SSBP2: variants seen among roughly 807,000 people sequenced by gnomAD.
The protein encoded by SSBP2 is single-stranded DNA-binding protein 2.
In SSBP2, 17 loss-of-function variants were observed where a neutral mutation model predicts 61.8. The ratio of observed to expected loss-of-function variants is 0.28; its 90% CI spans 0.19 to 0.41. SSBP2 has a LOEUF of 0.41. Ranked by LOEUF, SSBP2 falls within the 10% of genes least tolerant of loss-of-function variation. The pLI is 1.00. For synonymous variants in SSBP2, 139 were observed against 141.3 expected, an observed-to-expected ratio of 0.98 and a Z score of 0.12; for missense variants, 310 against 458.7, an observed-to-expected ratio of 0.68 and a Z score of 2.96.
intron 1 of SSBP2, among the ~76,000 whole-genome samples, chr5:81,672,688 C>G (rs1292170751): frequency 6.6e-6 from 1 of 151,750 alleles, no homozygotes; most frequent in Admixed American, 6.6e-5. Context: ...TCTCCTGCCT[C>G]GGCATCCTGT....
intron 4 of SSBP2, among the ~76,000 whole-genome samples, chr5:81,597,957 T>C (rs566612794): frequency 1.3e-5 from 2 of 151,976 alleles, no homozygotes; most frequent in African/African-American, 2.4e-5. Flanking sequence ...TGTATACATA[T>C]GTAACAAACC....
chr5:81,474,703 T>C, intron 6 of SSBP2, 141 bp from the exon 7 acceptor site: 1 of 623,150 alleles, frequency 1.6e-6, no homozygotes. Flanking sequence ...TATTTCACAT[T>C]CATTTATAAG....
At chr5:81,429,358 CTGT>C (rs1185144408) in intron 15 of SSBP2, among the ~76,000 whole-genome samples, 3 of 152,156 alleles carry the variant, frequency 2.0e-5, no homozygotes, top group Non-Finnish European at 4.4e-5. Flanking sequence ...GATAAAATGA[CTGT>C]TATTAGCAAT....
At chr5:81,592,628 T>A (rs146499100) in intron 4 of SSBP2, among the ~76,000 whole-genome samples, 1 of 152,138 alleles carries the variant, frequency 6.6e-6, no homozygotes, top group South Asian at 2.1e-4. Flanking sequence ...AGCCGGATAC[T>A]CCTCTGAGAC....
chr5:81,576,707 A>T (rs927460280), intron 4 of SSBP2, among the ~76,000 whole-genome samples: 2 of 152,122 alleles, frequency 1.3e-5, no homozygotes, highest in Non-Finnish European at 2.9e-5. Flanking sequence ...TTAATTTTCA[A>T]AAATCTGATT....
chr5:81,750,348 C>CCTCCGCGCCCCGCGCGCGT (rs1295144298), intron 1 of SSBP2, among the ~76,000 whole-genome samples: 20 of 146,896 alleles, frequency 1.4e-4, no homozygotes, highest in Admixed American at 8.8e-4. Flanking sequence ...CCGCACACGC[C>CCTCCGCGCCCCGCGCGCGT]CTCCGCGCCC....
intron 4 of SSBP2, among the ~76,000 whole-genome samples, chr5:81,583,503 G>A (rs544206823): frequency 9.4e-4 from 143 of 152,036 alleles, no homozygotes; most frequent in Non-Finnish European, 1.5e-3. Flanking sequence ...GGTGGCAGGC[G>A]CCTGTAGTCC....
At chr5:81,481,701 C>G (rs1294454924) in intron 6 of SSBP2, among the ~76,000 whole-genome samples, 1 of 150,642 alleles carries the variant, frequency 6.6e-6, no homozygotes, top group Admixed American at 6.6e-5. Flanking sequence ...ACCTTATACC[C>G]AAGAACTCTG....
In SSBP2 at chr5:81,474,483, TTAGAG is replaced by T; in HGVS notation, c.499+8_499+12del. The T allele has an allele frequency of 6.2e-7, 1 of 1,611,106 alleles. No individual in the cohort carries two copies. The highest frequency in any genetic ancestry group is 1.3e-5 in the African/African-American group (1 of 74,934). On this transcript the variant is annotated splice_region_variant and intron_variant, in intron 7 of 16. Transcript: ENST00000320672. ...TCTGCACATCAATTTTCCTTTTACTTTAGAGTAGTCACCTTGTTGTCGAGTTGGAT... is the reference window on the plus strand; with the variant it reads ...TCTGCACATCAATTTTCCTTTTACTTTAGTCACCTTGTTGTCGAGTTGGAT...
At chr5:81,445,156 ATATATATATATATATATATATGTATG>A (rs1249447515) in intron 12 of SSBP2, among the ~76,000 whole-genome samples, 13 of 90,408 alleles carry the variant, frequency 1.4e-4, no homozygotes, top group Non-Finnish European at 2.4e-4. Flanking sequence ...ATATATATAT[ATATATATATATATATATATATGTATG>A]TATTTACTGG....
intron 4 of SSBP2, among the ~76,000 whole-genome samples, chr5:81,599,755 C>T (rs999622829): frequency 3.3e-5 from 5 of 152,182 alleles, no homozygotes; most frequent in African/African-American, 9.7e-5. Flanking sequence ...ATATTCTGGC[C>T]GTTATAGCAG....
At chr5:81,633,632 A>T (rs1050233797) in intron 3 of SSBP2, among the ~76,000 whole-genome samples, 1 of 152,056 alleles carries the variant, frequency 6.6e-6, no homozygotes, top group Non-Finnish European at 1.5e-5. Context: ...CAGCCTCCTG[A>T]GTAGCTGTTA....
Position 81,530,820 on chromosome 5 carries a change from A to G in SSBP2, c.283-17103T>C, listed in dbSNP as rs771970959. On this transcript the variant is annotated intron_variant, in intron 4 of 16. Transcript: ENST00000320672. ...TAAATGCATTCACTGAAAGCTGTAT[A>G]AACATACAGAATCATAATTTTATGG... Among the ~76,000 whole-genome samples, 10 of 152,152 alleles carry G rather than the reference A, an allele frequency of 6.6e-5. 1 individual carries two copies. Among genetic ancestry groups the G allele is most frequent in the Non-Finnish European group, 1.3e-4 (9 of 68,010 alleles).
chr5:81,559,326 G>A (rs1772851294), intron 4 of SSBP2, among the ~76,000 whole-genome samples: 1 of 150,772 alleles, frequency 6.6e-6, no homozygotes, highest in Admixed American at 6.6e-5. Flanking sequence ...AGCGGAGGTT[G>A]CAGTGAGCCG....
At chr5:81,535,137 A>C (rs1282642282) in intron 4 of SSBP2, among the ~76,000 whole-genome samples, 6 of 152,072 alleles carry the variant, frequency 3.9e-5, no homozygotes, top group Non-Finnish European at 8.8e-5. Flanking sequence ...CCAAAGAACA[A>C]ACAAAATTTG....
intron 15 of SSBP2, among the ~76,000 whole-genome samples, chr5:81,432,016 T>C (rs1762322646): frequency 6.6e-6 from 1 of 152,266 alleles, no homozygotes; most frequent in African/African-American, 2.4e-5. Context: ...TTATAGAAAC[T>C]GTGGCTCTGC....
intron 1 of SSBP2, among the ~76,000 whole-genome samples, chr5:81,655,626 C>T (rs1400474487): frequency 2.0e-5 from 3 of 152,166 alleles, no homozygotes; most frequent in African/African-American, 7.2e-5. Flanking sequence ...TTGGTCACCA[C>T]AGGCGCCTAA....
At chr5:81,433,937 A>C (rs1339669294) in intron 15 of SSBP2, among the ~76,000 whole-genome samples, 1 of 152,226 alleles carries the variant, frequency 6.6e-6, no homozygotes, top group East Asian at 1.9e-4. Flanking sequence ...AAGATTGTAT[A>C]GCTAATGAGA....
chr5:81,622,731 G>A (rs1369313818), intron 3 of SSBP2, among the ~76,000 whole-genome samples: 4 of 152,182 alleles, frequency 2.6e-5, no homozygotes, highest in Non-Finnish European at 5.9e-5. Context: ...GTAAACTGAA[G>A]CCAGACTTTT....
Sources: allele counts gnomAD v4.1 joint callset (sites outside exome capture counted in the v4.1 genomes callset), GRCh38; gene constraint gnomAD v4.1.1; transcripts MANE v1.5; gene names NCBI Gene and HGNC (gene_info 2026-07-23, HGNC 2026-07-21).